Variants in SAMD4A observed in about 807,000 individuals in gnomAD.
SAMD4A encodes protein Smaug homolog 1.
In SAMD4A, 33 loss-of-function variants were observed where a neutral mutation model predicts 81.3. The observed-to-expected ratio is 0.41, with a 90% CI of 0.31 to 0.54. SAMD4A has a LOEUF of 0.54. Ranked by LOEUF, SAMD4A falls within the 20% of genes least tolerant of loss-of-function variation. The pLI is 0.37. For synonymous variants in SAMD4A, 389 were observed against 382.1 expected (o/e 1.02, Z -0.21); for missense variants, 854 against 951.1 (o/e 0.90, Z 1.34).
chr14:54,598,894 C>G (rs1425225102), intron 2 of SAMD4A, among the ~76,000 whole-genome samples: 1 of 151,954 alleles, frequency 6.6e-6, no homozygotes, highest in African/African-American at 2.4e-5. Context: ...GATTTCAGCT[C>G]ACTGCAGCCT....
intron 9 of SAMD4A, among the ~76,000 whole-genome samples, chr14:54,772,719 C>T (rs961604599): frequency 2.6e-5 from 4 of 152,074 alleles, no homozygotes; most frequent in African/African-American, 4.8e-5. Context: ...ACGCTATCCA[C>T]GCTAAATAAG....
intron 2 of SAMD4A, among the ~76,000 whole-genome samples, chr14:54,674,540 G>A (rs184538402): frequency 9.2e-5 from 14 of 151,864 alleles, no homozygotes; most frequent in African/African-American, 3.4e-4. Flanking sequence ...AGATACTGGT[G>A]TGGTTTCTAC....
chr14:54,677,647 T>C (rs1312345361), intron 2 of SAMD4A, among the ~76,000 whole-genome samples: 1 of 152,252 alleles, frequency 6.6e-6, no homozygotes, highest in Non-Finnish European at 1.5e-5. Flanking sequence ...CCTGCATAAC[T>C]CTCACCATAG....
chr14:54,787,822 C>T (rs1286705781), intron 12 of SAMD4A, among the ~76,000 whole-genome samples: 2 of 152,182 alleles, frequency 1.3e-5, no homozygotes, highest in Non-Finnish European at 2.9e-5. Context: ...ATGCAGCTGC[C>T]AGAGAAACCA....
At chr14:54,566,141 C>T (rs1217676127), upstream of SAMD4A, among the ~76,000 whole-genome samples, 2 of 151,954 alleles carry the variant, frequency 1.3e-5, no homozygotes, top group Non-Finnish European at 2.9e-5. Context: ...GAGGCAGCAG[C>T]AGCGGCGGCT....
At chr14:54,786,237 A>G (rs1452048108) in intron 12 of SAMD4A, among the ~76,000 whole-genome samples, 1 of 152,234 alleles carries the variant, frequency 6.6e-6, no homozygotes, top group African/African-American at 2.4e-5. Flanking sequence ...CAAGCCAGGC[A>G]TAAAGGACCA....
At chr14:54,752,981 G>A (rs1372326617) in intron 6 of SAMD4A, among the ~76,000 whole-genome samples, 1 of 152,238 alleles carries the variant, frequency 6.6e-6, no homozygotes, top group African/African-American at 2.4e-5. Context: ...TAACAAGGCA[G>A]CATTGCTGCA....
rs1555343069 is a variant in SAMD4A at position 54,685,282 on chromosome 14, C to CCG, written c.197-16779_197-16778insGC. On this transcript the variant is annotated intron_variant, in intron 2 of 12. Coordinates refer to ENST00000554335, the MANE Select transcript of SAMD4A (RefSeq NM_015589.6). ...AACTCCCCATTCTTCCTGCCCCCCCCCCCAGCTCCTGGCAGCCACCATTCT... is the reference window on the plus strand; with the variant it reads ...AACTCCCCATTCTTCCTGCCCCCCCCCGCCCAGCTCCTGGCAGCCACCATTCT... 2.1e-5 allele frequency among the ~76,000 whole-genome samples: 3 copies of CCG among 139,734 alleles called. 1 individual carries two copies. Among genetic ancestry groups the CCG allele is most frequent in the African/African-American group, 8.8e-5 (3 of 34,188 alleles). 91.7% of individuals were successfully genotyped at this position (139,734 alleles called of 152,430 possible). A position where few individuals can be genotyped will look rare whatever the true frequency, so the allele number is the denominator to read the frequency against.
At chr14:54,710,747 G>A (rs1377848222) in intron 3 of SAMD4A, among the ~76,000 whole-genome samples, 2 of 152,140 alleles carry the variant, frequency 1.3e-5, no homozygotes, top group Admixed American at 6.5e-5. Flanking sequence ...CACACAACTC[G>A]GTGTCAGCTC....
intron 2 of SAMD4A, among the ~76,000 whole-genome samples, chr14:54,674,722 G>A (rs1409494224): frequency 6.6e-6 from 1 of 152,092 alleles, no homozygotes; most frequent in East Asian, 1.9e-4. Flanking sequence ...TGCCCTAAAT[G>A]ATACTCAAAT....
rs1028197178 is a variant in SAMD4A at position 54,789,090 on chromosome 14, A to G, written c.*146A>G. On this transcript the variant is annotated 3_prime_UTR_variant, in exon 13 of 13. Coordinates refer to ENST00000554335, the MANE Select transcript of SAMD4A (RefSeq NM_015589.6). ...CCCTCTCCCGTTTTGATTTTGTGAGAGCGTAGGTCATCCTCGTAAACATAT... is the reference window on the plus strand; with the variant it reads ...CCCTCTCCCGTTTTGATTTTGTGAGGGCGTAGGTCATCCTCGTAAACATAT... The G allele has an allele frequency of 1.2e-6, 1 of 831,516 alleles. No homozygotes were observed. The highest frequency in any genetic ancestry group is 1.4e-5 in the South Asian group (1 of 69,814). The allele number at this position is 831,516 out of a possible 1,614,324, so 51.5% of individuals were successfully genotyped here.
chr14:54,748,199 A>G (rs1365585591), intron 4 of SAMD4A, among the ~76,000 whole-genome samples: 1 of 152,210 alleles, frequency 6.6e-6, no homozygotes, highest in Non-Finnish European at 1.5e-5. Context: ...GGGGATCAGG[A>G]TGCCCTTTTT....
intron 2 of SAMD4A, among the ~76,000 whole-genome samples, chr14:54,603,707 T>C (rs986278957): frequency 1.3e-5 from 2 of 152,058 alleles, no homozygotes; most frequent in African/African-American, 2.4e-5. Flanking sequence ...GGGACACTTA[T>C]AGTTCTTTTA....
intron 11 of SAMD4A, among the ~76,000 whole-genome samples, chr14:54,778,833 A>AAGGGCATGATAG (rs778214428): frequency 6.6e-6 from 1 of 152,250 alleles, no homozygotes; most frequent in Non-Finnish European, 1.5e-5. Context: ...GACATGCATA[A>AAGGGCATGATAG]AGGGCATGAT....
intron 2 of SAMD4A, among the ~76,000 whole-genome samples, chr14:54,604,228 T>A (rs1454493361): frequency 2.6e-5 from 4 of 152,248 alleles, no homozygotes; most frequent in Admixed American, 1.3e-4. Context: ...CAGTTTGTGG[T>A]GTTTCAAGGT....
At chr14:54,788,833 A>C in intron 12 of SAMD4A, 83 bp from the exon 13 acceptor site, 36 of 1,565,418 alleles carry the variant, frequency 2.3e-5, no homozygotes, top group Non-Finnish European at 3.0e-5. Flanking sequence ...TGGGAGGCCC[A>C]CCGTGCATGG....
chr14:54,645,147 A>G (rs917363426), intron 2 of SAMD4A, among the ~76,000 whole-genome samples: 1 of 152,228 alleles, frequency 6.6e-6, no homozygotes. Flanking sequence ...ATAAATTTGA[A>G]TAGGACCCAA....
intron 4 of SAMD4A, among the ~76,000 whole-genome samples, chr14:54,744,655 A>G (rs1285082714): frequency 1.3e-5 from 2 of 152,184 alleles, no homozygotes; most frequent in Non-Finnish European, 2.9e-5. Flanking sequence ...GCTTTGTCCC[A>G]GAAACCTCCT....
chr14:54,637,419 G>T (rs2035062592), intron 2 of SAMD4A, among the ~76,000 whole-genome samples: 1 of 144,796 alleles, frequency 6.9e-6, no homozygotes, highest in African/African-American at 2.6e-5. Flanking sequence ...ATTAGCAGAA[G>T]AGATGAGAAG....
Sources: gnomAD v4.1 joint callset for allele counts (sites outside exome capture counted in the v4.1 genomes callset) on GRCh38, gnomAD v4.1.1 for gene constraint, MANE v1.5 for transcripts, NCBI Gene and HGNC (gene_info 2026-07-23, HGNC 2026-07-21) for gene names.